The following NXPH2 variants were observed in gnomAD, a reference collection of about 807,000 sequenced individuals.
NXPH2 encodes neurexophilin-2.
In NXPH2, 5 loss-of-function variants were observed where a neutral mutation model predicts 19.8. The ratio of observed to expected loss-of-function variants is 0.25; its 90% CI spans 0.13 to 0.53. The LOEUF (loss-of-function observed/expected upper bound fraction) is 0.53. Ranked by LOEUF, NXPH2 falls within the 20% of genes least tolerant of loss-of-function variation. The probability of loss-of-function intolerance (pLI) is 0.96; values close to 1 mark genes in which losing one functional copy is unlikely to be tolerated. For synonymous variants in NXPH2, 154 were observed against 127.4 expected (o/e 1.21, Z -1.41); for missense variants, 289 against 322.8 (o/e 0.90, Z 0.80).
At chr2:138,704,034 T>G (rs1017912021) in intron 1 of NXPH2, among the ~76,000 whole-genome samples, 5 of 152,288 alleles carry the variant, frequency 3.3e-5, no homozygotes, top group Admixed American at 2.6e-4. Context: ...TGAATTGCAT[T>G]CCCTTGCCCA....
chr2:138,680,036 G>T (rs897156704), intron 1 of NXPH2, among the ~76,000 whole-genome samples: 2 of 152,006 alleles, frequency 1.3e-5, no homozygotes, highest in South Asian at 2.1e-4. Flanking sequence ...CAAGAGCAAA[G>T]AAATGAATAA....
At chr2:138,748,512 G>A (rs1276733791) in intron 1 of NXPH2, among the ~76,000 whole-genome samples, 1 of 152,122 alleles carries the variant, frequency 6.6e-6, no homozygotes, top group Non-Finnish European at 1.5e-5. Context: ...ATGTGGTAGT[G>A]CCTGGAACAA....
At chr2:138,774,708 C>G (rs996786380) in intron 1 of NXPH2, among the ~76,000 whole-genome samples, 1 of 152,158 alleles carries the variant, frequency 6.6e-6, no homozygotes, top group Admixed American at 6.5e-5. Context: ...CTTGGACCAA[C>G]TCTATTTTGT....
chr2:138,771,418 A>G (rs1682174414), intron 1 of NXPH2, among the ~76,000 whole-genome samples: 1 of 152,004 alleles, frequency 6.6e-6, no homozygotes, highest in Non-Finnish European at 1.5e-5. Flanking sequence ...ATAAGGTATG[A>G]GGTGGCAGAA....
intron 1 of NXPH2, among the ~76,000 whole-genome samples, chr2:138,689,139 AC>A (rs1680707472): frequency 6.6e-6 from 1 of 152,194 alleles, no homozygotes; most frequent in African/African-American, 2.4e-5. Context: ...ATGTACCCAA[AC>A]GACCATATCA....
intron 1 of NXPH2, among the ~76,000 whole-genome samples, chr2:138,758,872 A>C: frequency 6.6e-6 from 1 of 152,180 alleles, no homozygotes; most frequent in East Asian, 1.9e-4. Context: ...AGCTGGTTGA[A>C]TCTCTATATC....
chr2:138,680,605 C>CTA (rs1196512725), intron 1 of NXPH2, among the ~76,000 whole-genome samples: 17 of 152,012 alleles, frequency 1.1e-4, no homozygotes, highest in South Asian at 8.3e-4. Context: ...TTCTCTCTCT[C>CTA]TCTATATATA....
intron 1 of NXPH2, among the ~76,000 whole-genome samples, chr2:138,701,358 CA>C (rs1680920028): frequency 6.6e-6 from 1 of 152,012 alleles, no homozygotes; most frequent in African/African-American, 2.4e-5. Context: ...AATCAAAAAG[CA>C]AACAGAAAAA....
At chr2:138,711,047 T>C (rs1376671953) in intron 1 of NXPH2, among the ~76,000 whole-genome samples, 9 of 151,942 alleles carry the variant, frequency 5.9e-5, no homozygotes, top group African/African-American at 2.2e-4. Flanking sequence ...TATTGCAAAA[T>C]GTTATCGCTG....
intron 1 of NXPH2, among the ~76,000 whole-genome samples, chr2:138,768,102 T>A (rs1238625046): frequency 6.6e-6 from 1 of 152,238 alleles, no homozygotes; most frequent in African/African-American, 2.4e-5. Context: ...ATTTTCAGGA[T>A]ACAATATCTT....
chr2:138,679,253 T>A (rs1446797435), intron 1 of NXPH2, among the ~76,000 whole-genome samples: 3 of 152,358 alleles, frequency 2.0e-5, no homozygotes, highest in African/African-American at 7.2e-5. Context: ...TAGGTGGTAC[T>A]TTTGTTACTT....
chr2:138,733,439 G>C (rs1343798378), intron 1 of NXPH2, among the ~76,000 whole-genome samples: 1 of 152,140 alleles, frequency 6.6e-6, no homozygotes, highest in East Asian at 1.9e-4. Flanking sequence ...GTCTTCAAGT[G>C]ACTCAAAACT....
intron 1 of NXPH2, among the ~76,000 whole-genome samples, chr2:138,703,785 G>A (rs555857818): frequency 1.3e-5 from 2 of 152,260 alleles, no homozygotes; most frequent in African/African-American, 2.4e-5. Context: ...TTACTAAAAT[G>A]TATGATAAAT....
chr2:138,711,706 T>C (rs1171695577), intron 1 of NXPH2, among the ~76,000 whole-genome samples: 1 of 152,186 alleles, frequency 6.6e-6, no homozygotes, highest in East Asian at 1.9e-4. Context: ...TTTTCCATGA[T>C]ATCTCCTAAC....
At chr2:138,731,804 C>A (rs145247232) in intron 1 of NXPH2, among the ~76,000 whole-genome samples, 1 of 152,004 alleles carries the variant, frequency 6.6e-6, no homozygotes. Context: ...GACAGTAGAA[C>A]GGCCCTAATC....
intron 1 of NXPH2, among the ~76,000 whole-genome samples, chr2:138,777,199 T>C (rs1682276569): frequency 6.6e-6 from 1 of 152,134 alleles, no homozygotes; most frequent in African/African-American, 2.4e-5. Flanking sequence ...CTTTACCTTG[T>C]ATCATGATGA....
intron 1 of NXPH2, 136 bp from the exon 2 acceptor site, chr2:138,671,801 G>A (rs1680421518): frequency 2.4e-6 from 2 of 837,738 alleles, no homozygotes; most frequent in Admixed American, 3.5e-5. Flanking sequence ...ACACACAGCC[G>A]GGCTCAACAG....
At chr2:138,710,001 AC>A (rs948096805) in intron 1 of NXPH2, among the ~76,000 whole-genome samples, 3 of 152,212 alleles carry the variant, frequency 2.0e-5, no homozygotes, top group African/African-American at 7.2e-5. Flanking sequence ...ATATTGTGCA[AC>A]CATCACAACT....
At position 138,670,254 on chromosome 2, in the gene NXPH2, A is replaced by G. The variant is rs1005403420; in HGVS notation, c.*668T>C. On this transcript the variant is annotated 3_prime_UTR_variant, in exon 2 of 2. Transcript: ENST00000272641. ...TGCTTTCCCATTACATCAGTATTCA[A>G]ACTCAGGGGGAATCATAAGAATGGT... 4.6e-5 allele frequency among the ~76,000 whole-genome samples: 7 copies of G among 152,280 alleles called. No homozygotes were observed. Among genetic ancestry groups the G allele is most frequent in the Non-Finnish European group, 7.4e-5 (5 of 68,026 alleles).
Sources: gnomAD v4.1 joint callset for allele counts (sites outside exome capture counted in the v4.1 genomes callset) on GRCh38, gnomAD v4.1.1 for gene constraint, MANE v1.5 for transcripts, NCBI Gene and HGNC (gene_info 2026-07-23, HGNC 2026-07-21) for gene names.